Variants in DVL1 observed in about 807,000 individuals in gnomAD.
DVL1 encodes the protein dishevelled segment polarity protein 1, also known as segment polarity protein dishevelled homolog DVL-1.
A neutral mutation model predicts 65.0 loss-of-function variants in DVL1; 49 were observed. The ratio of observed to expected loss-of-function variants is 0.75; its 90% CI spans 0.60 to 0.96. The LOEUF (loss-of-function observed/expected upper bound fraction) is 0.96. Among genes scored for constraint, DVL1 ranks in the 40% least tolerant of loss-of-function variants. The pLI, the probability that DVL1 is intolerant of heterozygous loss-of-function variation, is 0.00. For synonymous variants in DVL1, 608 were observed against 433.9 expected, an observed-to-expected ratio of 1.40 and a Z score of -4.99; for missense variants, 1,197 against 1,045.4, an observed-to-expected ratio of 1.15 and a Z score of -2.00.
chr1:1,340,575 ACT>A, intron 5 of DVL1, 72 bp from the exon 6 acceptor site: 1 of 1,473,690 alleles, frequency 6.8e-7, no homozygotes, highest in Non-Finnish European at 9.3e-7. Context: ...CTCCCCCAAT[ACT>A]GAGTGGGAAT....
At chr1:1,340,368 C>T in intron 6 of DVL1, 42 bp downstream of exon 6, 1 of 1,613,222 alleles carries the variant, frequency 6.2e-7, no homozygotes, top group Non-Finnish European at 8.5e-7. Flanking sequence ...CCGACACTGA[C>T]TTCGCCTCCC....
chr1:1,346,580 C>G (rs917578060), intron 1 of DVL1, among the ~76,000 whole-genome samples: 1 of 152,244 alleles, frequency 6.6e-6, no homozygotes, highest in African/African-American at 2.4e-5. Context: ...AAGTGGAGGA[C>G]AGGCGGGGGA....
intron 1 of DVL1, among the ~76,000 whole-genome samples, chr1:1,343,941 C>T (rs531036693): frequency 5.9e-4 from 90 of 152,302 alleles, no homozygotes; most frequent in African/African-American, 2.1e-3. Context: ...GGCTTGGGAA[C>T]GGGGCAGAGG....
intron 2 of DVL1, 40 bp from the exon 3 acceptor site, chr1:1,342,524 C>T (rs1320888293): frequency 2.5e-6 from 4 of 1,597,426 alleles, no homozygotes; most frequent in African/African-American, 1.3e-5. Context: ...GCCCACCCGC[C>T]TTCAGGACGC....
Position 1,339,326 on chromosome 1 carries a change from T to A in DVL1, c.1168A>T (p.Ser390Cys). 1 of 1,548,564 alleles carries A rather than the reference T, an allele frequency of 6.5e-7. No homozygotes were observed. Residue 390 changes from serine (S) to cysteine (C), a missense_variant, in exon 11 of 15, where the codon AGC (serine) becomes TGC (cysteine). Physicochemically the swap from Ser to Cys is moderately radical, Grantham distance 112 (BLOSUM62 -1). Transcript: ENST00000378888. ...ACGGAGCTGGTTAGTGAGGAGGAGC[T>A]GGTGCGCGTGACGGCGCTGGAGCAG... ...SPCSSAVTRTSSSSLTSSVPG... is the reference protein window; with the variant it reads ...SPCSSAVTRTCSSSLTSSVPG...
At chr1:1,336,574 GAAC>G (rs1250158650) in intron 14 of DVL1, 59 bp from the exon 15 acceptor site, 28 of 1,470,056 alleles carry the variant, frequency 1.9e-5, no homozygotes, top group Admixed American at 1.5e-4. Flanking sequence ...GCCACGTCCA[GAAC>G]AACCGCCCCC....
Position 1,342,086 on chromosome 1 carries a change from GC to G in DVL1, c.432del (p.Arg145GlyfsTer96). 1 of 1,593,476 alleles carries G rather than the reference GC, an allele frequency of 6.3e-7. No homozygotes were observed. On this transcript the variant is annotated frameshift_variant, in exon 4 of 15. Coordinates refer to ENST00000378888, the MANE Select transcript of DVL1 (RefSeq NM_001330311.2). LOFTEE classifies it high-confidence loss of function. ...CGGTTCCGGCGTCGGGCACGCTCCC[GC>G]CGGTGACTGACCATGGACTCCGTGC... ...ETGTESMVSH[R>X]RERARRRNRE...
chr1:1,338,537 C>G lies in DVL1; in HGVS notation c.1324G>C (p.Ala442Pro). Residue 442 changes from alanine to proline, a missense_variant, in exon 12 of 15, where the codon GCC becomes CCC. Transcript: ENST00000378888. ...GGCCACTCACCGATGACGGCATTGG[C>G]GATGGTGATCTTGAGCCACATGCGG... is the stretch of plus-strand genomic sequence containing the variant. ...RDRMWLKITI[A>P]NAVIGADVVD... The G allele has an allele frequency of 6.2e-7, 1 of 1,612,574 alleles. No homozygotes were observed. The highest frequency in any genetic ancestry group is 1.1e-5 in the South Asian group (1 of 91,086).
At chr1:1,337,115 C>CTGG in intron 14 of DVL1, 3 of 987,968 alleles carry the variant, frequency 3.0e-6, no homozygotes, top group Non-Finnish European at 3.6e-6. Flanking sequence ...TGGCACCTGC[C>CTGG]CAGCACCCAC....
In DVL1 at chr1:1,338,640, C is replaced by T. The variant is rs144133102; in HGVS notation, c.1221G>A (p.Ala407=). The part of the protein sequence containing the change: ...SVPGAPQLEE[A]PLTVKSDMSA... The stretch of plus-strand genomic sequence containing the variant: ...TCATGTCACTCTTCACCGTCAGCGG[C>T]GCCTCTTCCAGCTCTGCAAAGCACA... Residue 407 remains alanine, a synonymous_variant, in exon 12 of 15, where the codon GCG becomes GCA. Transcript: ENST00000378888. 1.9e-3 allele frequency: 2,998 copies of T among 1,610,364 alleles called. 5 individuals are homozygous for T. Among genetic ancestry groups the T allele is most frequent in the Non-Finnish European group, 2.3e-3 (2,732 of 1,179,720 alleles).
chr1:1,348,860 C>T (rs1643967472), intron 1 of DVL1, 36 bp downstream of exon 1: 2 of 1,482,672 alleles, frequency 1.3e-6, no homozygotes, highest in African/African-American at 1.5e-5. Context: ...CCCCCGAGCC[C>T]GCGCCAGGCT....
intron 1 of DVL1, among the ~76,000 whole-genome samples, chr1:1,348,131 G>T (rs1188834904): frequency 6.6e-6 from 1 of 152,296 alleles, no homozygotes; most frequent in South Asian, 2.1e-4. Context: ...TGGCTGGGCC[G>T]GGCCAGGCCA....
chr1:1,342,010 G>A, intron 4 of DVL1, 43 bp downstream of exon 4: 1 of 1,514,078 alleles, frequency 6.6e-7, no homozygotes, highest in South Asian at 1.2e-5. Flanking sequence ...GGGGGTCCCA[G>A]GGAGGCTGGG....
At chr1:1,348,633 C>T (rs1310941323) in intron 1 of DVL1, among the ~76,000 whole-genome samples, 1 of 152,164 alleles carries the variant, frequency 6.6e-6, no homozygotes, top group Non-Finnish European at 1.5e-5. Flanking sequence ...CCGAGTCTGA[C>T]ACGGGCCAAG....
At position 1,348,970 on chromosome 1, in the gene DVL1, G is replaced by A; in HGVS notation, c.96C>T (p.Asp32=). 6.3e-7 allele frequency: 1 copy of A among 1,575,974 alleles called. No individual in the cohort carries two copies. Among genetic ancestry groups the A allele is most frequent in the Non-Finnish European group, 8.6e-7 (1 of 1,158,312 alleles). Residue 32 remains aspartate, a synonymous_variant, in exon 1 of 15, where the codon GAC becomes GAT. Coordinates refer to ENST00000378888, the MANE Select transcript of DVL1 (RefSeq NM_001330311.2). ...PVAPERVTLA[D]FKNVLSNRPV... is the part of the protein sequence containing the mutation. ...GCCGGTTGCTGAGCACGTTCTTGAA[G>A]TCGGCCAGCGTGACGCGCTCGGGGG...
In DVL1 at chr1:1,338,300, C is replaced by T. The variant is rs1473859645; in HGVS notation, c.1476G>A (p.Gln492=). Reference sequence around the variant, plus strand: ...AGAGATCCCCGAAGACGTAGTAGCACTGCTCGGAGAAGGTGATCTTGTTGA... The same window carrying T: ...AGAGATCCCCGAAGACGTAGTAGCATTGCTCGGAGAAGGTGATCTTGTTGA... ...HTVNKITFSE[Q]CYYVFGDLCS... The change falls in exon 13 of 15, where the codon CAG becomes CAA. Residue 492 remains glutamine (Q), a synonymous_variant. Coordinates refer to ENST00000378888, the MANE Select transcript of DVL1 (RefSeq NM_001330311.2). The T allele has an allele frequency of 1.9e-6, 3 of 1,607,724 alleles. No individual in the cohort carries two copies. The highest frequency in any genetic ancestry group is 1.1e-5 in the South Asian group (1 of 90,784).
At chr1:1,341,229 A>G (rs573011234) in intron 5 of DVL1, among the ~76,000 whole-genome samples, 3 of 151,864 alleles carry the variant, frequency 2.0e-5, no homozygotes, top group Admixed American at 2.0e-4. Context: ...GCACACATGC[A>G]CACACCTGCG....
intron 1 of DVL1, among the ~76,000 whole-genome samples, chr1:1,344,098 G>C (rs1248649605): frequency 1.3e-5 from 2 of 152,166 alleles, no homozygotes; most frequent in Non-Finnish European, 2.9e-5. Context: ...CAAGGAGCAA[G>C]GCAGGCAGGG....
chr1:1,343,003 C>T (rs897921426), intron 1 of DVL1, among the ~76,000 whole-genome samples: 1 of 152,050 alleles, frequency 6.6e-6, no homozygotes, highest in East Asian at 1.9e-4. Flanking sequence ...CGGGAACCGT[C>T]CTTCCTCTCC....
Sources: allele counts gnomAD v4.1 joint callset (sites outside exome capture counted in the v4.1 genomes callset), GRCh38; gene constraint gnomAD v4.1.1; transcripts MANE v1.5; gene names NCBI Gene and HGNC (gene_info 2026-07-23, HGNC 2026-07-21).